Variants in ABCA5 observed in about 807,000 individuals in gnomAD.
The protein encoded by ABCA5 is ATP binding cassette subfamily A member 5.
Under a neutral mutation model 206.0 loss-of-function variants are expected in ABCA5, and 163 were observed. That is an observed-to-expected ratio of 0.79 (90% confidence interval 0.70 to 0.90). The LOEUF (loss-of-function observed/expected upper bound fraction) is 0.90, where lower values mean the gene tolerates loss of function less well. Among genes scored for constraint, ABCA5 ranks in the 40% least tolerant of loss-of-function variants. ABCA5 has a pLI of 0.00. For missense variants in ABCA5, 1,859 were observed against 1,912.9 expected (o/e 0.97, Z 0.53); for synonymous variants, 609 against 613.8 (o/e 0.99, Z 0.11).
intron 9 of ABCA5, among the ~76,000 whole-genome samples, chr17:69,300,626 T>G (rs1464445009): frequency 6.6e-6 from 1 of 152,138 alleles, no homozygotes; most frequent in African/African-American, 2.4e-5. Flanking sequence ...CAATTTAAAT[T>G]TTAAAAGCCA....
In ABCA5 at chr17:69,244,623, A is replaced by G. The variant is rs2074930555; in HGVS notation, c.*2914T>C. 6.6e-6 allele frequency: 1 copy of G among 151,718 alleles called. No homozygotes were observed. The highest frequency in any genetic ancestry group is 1.5e-5 in the Non-Finnish European group (1 of 67,824). 9.4% of individuals were successfully genotyped at this position (151,718 alleles called of 1,614,324 possible). ...TTTCAGGAAAGAAAATAAAAAATCA[A>G]TGTTAGCAAATTAAAAATACATTAA... On this transcript the variant is annotated 3_prime_UTR_variant, in exon 39 of 39. Coordinates refer to ENST00000392676, the MANE Select transcript of ABCA5 (RefSeq NM_172232.4).
intron 12 of ABCA5, among the ~76,000 whole-genome samples, chr17:69,290,291 T>C (rs1184412320): frequency 6.6e-6 from 1 of 152,092 alleles, no homozygotes; most frequent in Non-Finnish European, 1.5e-5. Flanking sequence ...ACACTAAACA[T>C]AAATATCTAT....
At chr17:69,318,055 A>T (rs981035175) in intron 1 of ABCA5, among the ~76,000 whole-genome samples, 2 of 152,102 alleles carry the variant, frequency 1.3e-5, no homozygotes, top group African/African-American at 4.8e-5. Context: ...CTCCTCCAAA[A>T]CAAGGACCAT....
At chr17:69,264,979 G>T in intron 23 of ABCA5, 74 bp from the exon 24 acceptor site, 2 of 1,062,922 alleles carry the variant, frequency 1.9e-6, no homozygotes, top group Non-Finnish European at 2.5e-6. Flanking sequence ...GTAAATTATT[G>T]TAGATCTCTT....
At chr17:69,309,652 G>C (rs1444285347) in intron 3 of ABCA5, among the ~76,000 whole-genome samples, 1 of 152,076 alleles carries the variant, frequency 6.6e-6, no homozygotes, top group Non-Finnish European at 1.5e-5. Context: ...AGTCCAACCT[G>C]GGCAACATGG....
Position 69,305,570 on chromosome 17 carries a change from T to G in ABCA5, c.789-760A>C, listed in dbSNP as rs373196087. On this transcript the variant is annotated intron_variant, in intron 6 of 38. Transcript: ENST00000392676. ...AAAATACTTTAATAACCCAATAAAT[T>G]TTAAAAACCAATCCTTTGGCCAGGC... 7.2e-5 allele frequency among the ~76,000 whole-genome samples: 11 copies of G among 152,200 alleles called. No individual in the cohort carries two copies. In the East Asian group the frequency reaches 1.2e-3, roughly 16 times the overall value.
intron 35 of ABCA5, 170 bp from the exon 36 acceptor site, chr17:69,250,791 C>T: frequency 2.6e-6 from 1 of 387,286 alleles, no homozygotes; most frequent in South Asian, 5.5e-5. Context: ...TTTCCCTAAT[C>T]TTATCATCTT....
intron 5 of ABCA5, 34 bp from the exon 6 acceptor site, chr17:69,306,988 T>C (rs980361228): frequency 3.5e-6 from 5 of 1,444,550 alleles, no homozygotes; most frequent in Non-Finnish European, 4.6e-6. Context: ...ATCAAATTAA[T>C]TTAGTTATGA....
intron 23 of ABCA5, 38 bp downstream of exon 23, chr17:69,267,905 C>T: frequency 1.6e-6 from 2 of 1,235,544 alleles, no homozygotes; most frequent in Non-Finnish European, 2.3e-6. Context: ...TATGACACTT[C>T]TTATTAGCAA....
chr17:69,283,943 C>G lies in ABCA5; in HGVS notation c.2392+10G>C. On this transcript the variant is annotated intron_variant, in intron 18 of 38. Transcript: ENST00000392676. ...CATTGCCTAAAATGTTTTGTTAGTT[C>G]TGTTTTTACCTGCTTGGTCAATTTC... 1 of 1,602,742 alleles carries G rather than the reference C, an allele frequency of 6.2e-7. No homozygotes were observed. The highest frequency in any genetic ancestry group is 1.1e-5 in the South Asian group (1 of 88,652).
chr17:69,253,142 T>C (rs1248171285), intron 34 of ABCA5, among the ~76,000 whole-genome samples: 1 of 152,130 alleles, frequency 6.6e-6, no homozygotes, highest in Non-Finnish European at 1.5e-5. Context: ...AAGTACACTC[T>C]ATTATGTTTG....
intron 9 of ABCA5, among the ~76,000 whole-genome samples, chr17:69,300,574 T>C (rs1210038022): frequency 6.6e-6 from 1 of 152,190 alleles, no homozygotes; most frequent in Admixed American, 6.5e-5. Context: ...ATGTGGCCTG[T>C]GCTACTGAAA....
intron 24 of ABCA5, among the ~76,000 whole-genome samples, chr17:69,263,390 TG>T (rs1295247349): frequency 1.3e-5 from 2 of 152,206 alleles, no homozygotes; most frequent in African/African-American, 4.8e-5. Context: ...TAATCCATCT[TG>T]AGTTACTTTT....
chr17:69,286,301 A>G lies in ABCA5; in HGVS notation c.2052T>C (p.Ala684=), dbSNP rs987404720. The G allele has an allele frequency of 1.3e-6, 2 of 1,590,946 alleles. No individual in the cohort carries two copies. Among genetic ancestry groups the G allele is most frequent in the African/African-American group, 2.7e-5 (2 of 73,188 alleles). ...ATTTCAGCATTCCTTGTGATATCAC[A>G]GCTTTCCTATCTGCAGATAAATATT... The part of the protein sequence containing the change: ...DEADILADRK[A]VISQGMLKCV... Residue 684 remains alanine (A), a synonymous_variant, in exon 16 of 39, where the codon GCT becomes GCC. Transcript: ENST00000392676.
intron 23 of ABCA5, among the ~76,000 whole-genome samples, chr17:69,265,929 A>G (rs1324243579): frequency 6.6e-6 from 1 of 152,220 alleles, no homozygotes; most frequent in African/African-American, 2.4e-5. Context: ...ACTCTTGGGC[A>G]TTTATCTCAG....
At chr17:69,298,276 G>A (rs2075609224) in intron 9 of ABCA5, among the ~76,000 whole-genome samples, 1 of 123,238 alleles carries the variant, frequency 8.1e-6, no homozygotes, top group Non-Finnish European at 1.7e-5. Flanking sequence ...AGGAAGGAAG[G>A]AAGGAAGGGA....
Position 69,317,399 on chromosome 17 carries a change from C to CAAA in ABCA5, c.-15-2972_-15-2970dup, listed in dbSNP as rs1168274624. Among the ~76,000 whole-genome samples the CAAA allele has an allele frequency of 2.7e-3, 199 of 74,422 alleles. 1 individual carries two copies. Among genetic ancestry groups the CAAA allele is most frequent in the Non-Finnish European group, 3.7e-3 (153 of 41,824 alleles). 48.8% of individuals were successfully genotyped at this position (74,422 alleles called of 152,430 possible). On this transcript the variant is annotated intron_variant, in intron 1 of 38. Transcript: ENST00000392676. ...TGGGCATCAGAGCAAGACTCTGTCT[C>CAAA]AAAAAAAAAAAAAAAAAAAAAAAGG...
At chr17:69,287,519 G>T in intron 15 of ABCA5, 94 bp downstream of exon 15, 1 of 1,414,256 alleles carries the variant, frequency 7.1e-7, no homozygotes, top group Non-Finnish European at 9.4e-7. Flanking sequence ...CTAGGTAAAA[G>T]CTTCTCTATT....
chr17:69,256,933 C>A (rs2075090096), intron 28 of ABCA5, among the ~76,000 whole-genome samples: 1 of 151,812 alleles, frequency 6.6e-6, no homozygotes, highest in Non-Finnish European at 1.5e-5. Flanking sequence ...ATGAAATTGC[C>A]CAGAAAGAGT....
Sources: gnomAD v4.1 joint callset for allele counts (sites outside exome capture counted in the v4.1 genomes callset) on GRCh38, gnomAD v4.1.1 for gene constraint, MANE v1.5 for transcripts, NCBI Gene and HGNC (gene_info 2026-07-23, HGNC 2026-07-21) for gene names.